DIS3L2: variants seen among roughly 807,000 people sequenced by gnomAD.
DIS3L2 encodes the protein DIS3 like 3'-5' exoribonuclease 2, also known as DIS3-like exonuclease 2.
DIS3L2 carries 34 observed loss-of-function variants against 97.5 expected under a neutral mutation model. The ratio of observed to expected loss-of-function variants is 0.35; its 90% CI spans 0.27 to 0.46. The LOEUF is 0.46. Among genes scored for constraint, DIS3L2 ranks in the 20% least tolerant of loss-of-function variants. The probability of loss-of-function intolerance (pLI) is 1.00; values close to 1 mark genes in which losing one functional copy is unlikely to be tolerated. For synonymous variants in DIS3L2, 435 were observed against 445.2 expected, an observed-to-expected ratio of 0.98 and a Z score of 0.29; for missense variants, 1,038 against 1,146.0, an observed-to-expected ratio of 0.91 and a Z score of 1.36.
chr2:232,171,537 A>G (rs3116185), intron 9 of DIS3L2, among the ~76,000 whole-genome samples: 71,807 of 152,064 alleles, frequency 0.47, 19,349 homozygotes, highest in Non-Finnish European at 0.61. Context: ...ACCACCCAGG[A>G]AAGATAATTA....
At chr2:232,157,167 T>G (rs1277860999) in intron 8 of DIS3L2, among the ~76,000 whole-genome samples, 2 of 152,200 alleles carry the variant, frequency 1.3e-5, no homozygotes, top group African/African-American at 4.8e-5. Context: ...AGTCTCAGAT[T>G]CCAATTCAGA....
chr2:232,142,444 T>G (rs114207984), intron 8 of DIS3L2, among the ~76,000 whole-genome samples: 2,245 of 152,266 alleles, frequency 0.015, 59 homozygotes, highest in African/African-American at 0.052. Context: ...CATCTTCAAC[T>G]GCAATTTCTA....
intron 1 of DIS3L2, among the ~76,000 whole-genome samples, chr2:231,969,505 T>C (rs1400597522): frequency 2.0e-5 from 3 of 152,030 alleles, no homozygotes; most frequent in Non-Finnish European, 4.4e-5. Context: ...GAGACGGGGT[T>C]TCACCATGTT....
chr2:232,301,050 G>T (rs1158754233), intron 14 of DIS3L2, among the ~76,000 whole-genome samples: 2 of 152,140 alleles, frequency 1.3e-5, no homozygotes, highest in East Asian at 1.9e-4. Flanking sequence ...GACAATGATG[G>T]TAATGACAGC....
chr2:232,333,127 ACCACCACCTCCTCCTT>A (rs1405282834), intron 16 of DIS3L2, among the ~76,000 whole-genome samples: 40 of 145,924 alleles, frequency 2.7e-4, no homozygotes, highest in Non-Finnish European at 3.9e-4. Context: ...CTCCTCGACC[ACCACCACCTCCTCCTT>A]CCACCACCTC....
intron 8 of DIS3L2, among the ~76,000 whole-genome samples, chr2:232,143,202 A>C (rs527302352): frequency 6.6e-6 from 1 of 152,226 alleles, no homozygotes; most frequent in South Asian, 2.1e-4. Flanking sequence ...TTTCCTCAGT[A>C]CGTTTTTAAT....
At chr2:232,290,957 T>C (rs1472165709) in intron 13 of DIS3L2, among the ~76,000 whole-genome samples, 4 of 152,224 alleles carry the variant, frequency 2.6e-5, no homozygotes, top group African/African-American at 7.2e-5. Flanking sequence ...GGAGAAAGGT[T>C]CTTTTTTGTG....
At chr2:232,234,251 G>T (rs145757582) in intron 10 of DIS3L2, among the ~76,000 whole-genome samples, 1 of 152,238 alleles carries the variant, frequency 6.6e-6, no homozygotes, top group Non-Finnish European at 1.5e-5. Context: ...TGTGCAAAAC[G>T]ATATGCATAG....
chr2:231,973,975 C>A (rs904631614), intron 1 of DIS3L2, among the ~76,000 whole-genome samples: 2 of 152,160 alleles, frequency 1.3e-5, no homozygotes, highest in African/African-American at 4.8e-5. Context: ...CTGGTTCTGA[C>A]TTGCATTCAT....
rs75756066 is a variant in DIS3L2, at chr2:232,132,727, G to C, written c.702+2008G>C. Among the ~76,000 whole-genome samples, 511 of 152,266 alleles carry C rather than the reference G, an allele frequency of 3.4e-3. 1 individual carries two copies. The highest frequency in any genetic ancestry group is 4.7e-3 in the Non-Finnish European group (319 of 68,016). ...TGACCGTAAGTGGTTAAGAGAAGGG[G>C]TTTCCTTCCTCACCGGACCTGCAGC... On this transcript the variant is annotated intron_variant, in intron 7 of 20. Coordinates refer to ENST00000325385, the MANE Select transcript of DIS3L2 (RefSeq NM_152383.5).
chr2:231,974,659 G>A (rs1219820770), intron 1 of DIS3L2, among the ~76,000 whole-genome samples: 3 of 150,982 alleles, frequency 2.0e-5, no homozygotes, highest in African/African-American at 4.9e-5. Flanking sequence ...CCTCAAACAT[G>A]TAAGGTATAT....
At chr2:232,141,783 C>A (rs182064042) in intron 8 of DIS3L2, among the ~76,000 whole-genome samples, 5 of 152,268 alleles carry the variant, frequency 3.3e-5, no homozygotes, top group African/African-American at 1.2e-4. Context: ...GTTAGCCAGT[C>A]AGCAATATTT....
intron 1 of DIS3L2, among the ~76,000 whole-genome samples, chr2:231,962,246 A>G (rs974713465): frequency 6.6e-6 from 1 of 150,508 alleles, no homozygotes; most frequent in African/African-American, 2.5e-5. Flanking sequence ...ACAGTGATAC[A>G]CTTTATCTCC....
In DIS3L2 at chr2:232,028,501, C is replaced by T. The variant is rs184450874; in HGVS notation, c.265-1478C>T. 1.5e-4 allele frequency among the ~76,000 whole-genome samples: 23 copies of T among 152,188 alleles called. 1 individual carries two copies. The East Asian group carries it at 2.5e-3, about 17-fold the overall frequency. On this transcript the variant is annotated intron_variant, in intron 4 of 20. Transcript: ENST00000325385. ...AACTCAGCCCTGCTTTCCTTGGTTT[C>T]CTGGGATTGTAAGGTGACAGTACTA...
intron 14 of DIS3L2, among the ~76,000 whole-genome samples, chr2:232,314,008 G>A (rs1259716867): frequency 6.6e-6 from 1 of 152,196 alleles, no homozygotes; most frequent in African/African-American, 2.4e-5. Flanking sequence ...AGGAATTATG[G>A]GAGCTACAAG....
At chr2:232,038,818 G>C (rs1302739213) in intron 5 of DIS3L2, among the ~76,000 whole-genome samples, 3 of 152,140 alleles carry the variant, frequency 2.0e-5, no homozygotes, top group African/African-American at 7.2e-5. Context: ...TTCTGCCTTG[G>C]TGCCTTTTTT....
intron 8 of DIS3L2, among the ~76,000 whole-genome samples, chr2:232,161,961 C>T (rs1219968782): frequency 6.6e-6 from 1 of 151,946 alleles, no homozygotes; most frequent in Non-Finnish European, 1.5e-5. Context: ...TTGATAGAGA[C>T]GGGGTTTCAC....
chr2:231,974,416 A>G (rs943627852), intron 1 of DIS3L2, among the ~76,000 whole-genome samples: 1 of 151,278 alleles, frequency 6.6e-6, no homozygotes, highest in African/African-American at 2.4e-5. Flanking sequence ...ATTTTGGATA[A>G]TTTCTCTTGC....
intron 10 of DIS3L2, 56 bp downstream of exon 10, chr2:232,210,461 G>T: frequency 6.6e-7 from 1 of 1,508,516 alleles, no homozygotes; most frequent in South Asian, 1.1e-5. Context: ...ATGCCTGTGT[G>T]GTTAGCCTGG....
Sources: gnomAD v4.1 joint callset for allele counts (sites outside exome capture counted in the v4.1 genomes callset) on GRCh38, gnomAD v4.1.1 for gene constraint, MANE v1.5 for transcripts, NCBI Gene and HGNC (gene_info 2026-07-23, HGNC 2026-07-21) for gene names.